The following AIG1 variants were observed in gnomAD, a reference collection of about 807,000 sequenced individuals.
AIG1 encodes androgen induced 1.
In AIG1, 23 loss-of-function variants were observed where a neutral mutation model predicts 31.4. That is an observed-to-expected ratio of 0.73 (90% CI 0.53 to 1.04). The LOEUF is 1.04. Ranked by LOEUF, AIG1 falls within the 50% of genes least tolerant of loss-of-function variation. The probability of loss-of-function intolerance (pLI) is 0.00; values close to 1 mark genes in which losing one functional copy is unlikely to be tolerated. For synonymous variants in AIG1, 100 were observed against 110.5 expected, an observed-to-expected ratio of 0.90 and a Z score of 0.60; for missense variants, 274 against 295.0, an observed-to-expected ratio of 0.93 and a Z score of 0.52.
At chr6:143,285,095 C>T (rs9496556) in intron 4 of AIG1, among the ~76,000 whole-genome samples, 12,104 of 151,952 alleles carry the variant, frequency 0.08, 784 homozygotes, top group East Asian at 0.34. Flanking sequence ...CTCAATTGTA[C>T]TTAATCCCCC....
At chr6:143,174,381 G>C (rs1278517669) in intron 3 of AIG1, among the ~76,000 whole-genome samples, 2 of 151,732 alleles carry the variant, frequency 1.3e-5, no homozygotes, top group Non-Finnish European at 2.9e-5. Flanking sequence ...CGGCTACTTG[G>C]GAGGCTGAGG....
At chr6:143,096,736 G>A (rs1308725542) in intron 1 of AIG1, among the ~76,000 whole-genome samples, 1 of 152,142 alleles carries the variant, frequency 6.6e-6, no homozygotes, top group African/African-American at 2.4e-5. Flanking sequence ...ATAATTGATA[G>A]TTTCTTAATG....
intron 1 of AIG1, among the ~76,000 whole-genome samples, chr6:143,070,715 G>C (rs1777162914): frequency 6.6e-6 from 1 of 152,166 alleles, no homozygotes; most frequent in Non-Finnish European, 1.5e-5. Flanking sequence ...ACTCTCCTGT[G>C]ATAATCTGTT....
chr6:143,258,204 A>C lies in AIG1; in HGVS notation c.400-25906A>C, dbSNP rs2128654890. On this transcript the variant is annotated intron_variant, in intron 3 of 5. Transcript: ENST00000357847. The surrounding 1 kb of genome is among the most constrained non-coding windows in gnomAD (Gnocchi z 4.7). ...AAGAAGGGCAGTCCCCAGTTTCCTC[A>C]CCTGTAAAATGAAGACAAAAGCCTT... Among the ~76,000 whole-genome samples, 1 of 152,298 alleles carries C rather than the reference A, an allele frequency of 6.6e-6. No homozygotes were observed. Among genetic ancestry groups the C allele is most frequent in the Middle Eastern group, 3.4e-3 (1 of 294 alleles).
In AIG1 at chr6:143,327,265, G is replaced by GAA. The variant is rs201150759; in HGVS notation, c.516-6017_516-6016insAA. ...GCTACACTCTTCCTTTCCAACTTGG[G>GAA]CCTGGCAGAATGGTTCTCACAAAGA... On this transcript the variant is annotated intron_variant, in intron 4 of 5. Transcript: ENST00000357847. The surrounding 1 kb of genome is among the most constrained non-coding windows in gnomAD (Gnocchi z 5.3). 6.5e-3 allele frequency: 1,326 copies of GAA among 204,374 alleles called. 34 individuals are homozygous for GAA. The highest frequency in any genetic ancestry group is 0.047 in the Admixed American group (786 of 16,674). 12.7% of individuals were successfully genotyped at this position (204,374 alleles called of 1,614,324 possible).
intron 2 of AIG1, among the ~76,000 whole-genome samples, chr6:143,144,507 G>A (rs1784554881): frequency 6.6e-6 from 1 of 152,112 alleles, no homozygotes; most frequent in African/African-American, 2.4e-5. Flanking sequence ...GTGGGTGGGA[G>A]GTCCTGAAAG....
At chr6:143,094,416 G>C (rs1779569188) in intron 1 of AIG1, 1 of 152,166 alleles carries the variant, frequency 6.6e-6, no homozygotes, top group Non-Finnish European at 1.5e-5. Flanking sequence ...AAGTGTTGTA[G>C]GTTGTTGCTA....
intron 3 of AIG1, among the ~76,000 whole-genome samples, chr6:143,212,322 C>G (rs1255217833): frequency 1.3e-5 from 2 of 152,166 alleles, no homozygotes; most frequent in Admixed American, 1.3e-4. Context: ...ACTATATAGA[C>G]AGTCTTTAAA....
At position 143,328,249 on chromosome 6, in the gene AIG1, A is replaced by C. The variant is rs1776770658; in HGVS notation, c.516-5033A>C. 6.6e-6 allele frequency among the ~76,000 whole-genome samples: 1 copy of C among 152,198 alleles called. No homozygotes were observed. The highest frequency in any genetic ancestry group is 6.5e-5 in the Admixed American group (1 of 15,280). The stretch of plus-strand genomic sequence containing the variant: ...GTGAAAGTGAGTACAATGTACAGAT[A>C]TGGTGTCAGTGAATCTGGACCACTT... On this transcript the variant is annotated intron_variant, in intron 4 of 5. Coordinates refer to ENST00000357847, the MANE Select transcript of AIG1 (RefSeq NM_016108.4). The surrounding 1 kb of genome is among the most constrained non-coding windows in gnomAD (Gnocchi z 4.0).
chr6:143,202,759 AT>A (rs1183562127), intron 3 of AIG1, among the ~76,000 whole-genome samples: 3 of 152,172 alleles, frequency 2.0e-5, no homozygotes, highest in Non-Finnish European at 4.4e-5. Context: ...GGGAACCTGG[AT>A]TTGATTTCTA....
intron 3 of AIG1, among the ~76,000 whole-genome samples, chr6:143,200,945 A>G (rs1349124561): frequency 1.3e-5 from 2 of 151,974 alleles, no homozygotes; most frequent in Non-Finnish European, 2.9e-5. Flanking sequence ...TGGATTTCCC[A>G]TAGACATTTC....
rs146400900 is a variant in AIG1, at chr6:143,132,149, G to A, written c.142-4686G>A. Among the ~76,000 whole-genome samples, 406 of 151,994 alleles carry A rather than the reference G, an allele frequency of 2.7e-3. 3 individuals are homozygous for A. Among genetic ancestry groups the A allele is most frequent in the African/African-American group, 9.1e-3 (379 of 41,470 alleles). On this transcript the variant is annotated intron_variant, in intron 1 of 5. Transcript: ENST00000357847. The stretch of plus-strand genomic sequence containing the variant: ...TATATTTTTGCTGTAGTTAATTATC[G>A]TTAATAAATGTAGAAATTAGAAAAG...
intron 4 of AIG1, among the ~76,000 whole-genome samples, chr6:143,294,025 C>G (rs1047522479): frequency 7.9e-5 from 12 of 152,274 alleles, no homozygotes; most frequent in Admixed American, 7.2e-4. Context: ...TCGATCTCCC[C>G]CTACAAACAT....
At chr6:143,234,159 A>G (rs1166313505) in intron 3 of AIG1, among the ~76,000 whole-genome samples, 2 of 151,896 alleles carry the variant, frequency 1.3e-5, no homozygotes, top group African/African-American at 4.8e-5. Context: ...CGGCGGGGGG[A>G]CTATGTTGCT....
rs372758483 is a variant in AIG1 at position 143,104,906 on chromosome 6, GA to G, written c.142-31916del. Among the ~76,000 whole-genome samples the G allele has an allele frequency of 9.1e-3, 1,154 of 127,472 alleles. 9 individuals carry two copies. The highest frequency in any genetic ancestry group is 0.03 in the African/African-American group (1,035 of 34,770). The allele number at this position is 127,472 out of a possible 152,430, so 83.6% of individuals were successfully genotyped here. A position where few individuals can be genotyped will look rare whatever the true frequency, so the allele number is the denominator to read the frequency against. ...AGAGCAAGACCGTGTCTCAAAAAAA[GA>G]AAAAAAAAAAAAGAACATTCTGAAT... On this transcript the variant is annotated intron_variant, in intron 1 of 5. Coordinates refer to ENST00000357847, the MANE Select transcript of AIG1 (RefSeq NM_016108.4).
chr6:143,124,903 G>T (rs1028096271), intron 1 of AIG1, among the ~76,000 whole-genome samples: 5 of 152,074 alleles, frequency 3.3e-5, no homozygotes, highest in African/African-American at 1.2e-4. Context: ...TGACATATGG[G>T]GATTATGGGG....
At chr6:143,121,235 G>A (rs781283656) in intron 1 of AIG1, among the ~76,000 whole-genome samples, 3 of 152,074 alleles carry the variant, frequency 2.0e-5, no homozygotes, top group African/African-American at 7.2e-5. Context: ...TTCCTCTAGC[G>A]CTGCTGGGTT....
intron 2 of AIG1, among the ~76,000 whole-genome samples, chr6:143,159,498 G>A (rs756389520): frequency 6.6e-6 from 1 of 152,196 alleles, no homozygotes; most frequent in Non-Finnish European, 1.5e-5. Flanking sequence ...GGAGATTCTG[G>A]TTTTAAGATA....
intron 1 of AIG1, among the ~76,000 whole-genome samples, chr6:143,092,846 T>C (rs774085992): frequency 6.6e-6 from 1 of 152,102 alleles, no homozygotes; most frequent in Non-Finnish European, 1.5e-5. Flanking sequence ...GGCCAGGAGA[T>C]TGAGACTAGC....
Sources: allele counts gnomAD v4.1 joint callset (sites outside exome capture counted in the v4.1 genomes callset), GRCh38; gene constraint gnomAD v4.1.1; non-coding constraint Gnocchi (gnomAD v3.1); transcripts MANE v1.5; gene names NCBI Gene and HGNC (gene_info 2026-07-23, HGNC 2026-07-21).